The following PRAMEF20 variants were observed in gnomAD, a reference collection of about 807,000 sequenced individuals.
PRAMEF20 encodes the protein PRAME family member 20, also known as PRAME family member 20/21.
Under a neutral mutation model 32.4 loss-of-function variants are expected in PRAMEF20, and 27 were observed. That is an observed-to-expected ratio of 0.83 (90% confidence interval 0.61 to 1.15). The LOEUF is 1.15. Ranked by LOEUF, PRAMEF20 falls within the 50% of genes most tolerant of loss-of-function variation. The pLI is 0.00. For synonymous variants in PRAMEF20, 256 were observed against 235.4 expected (o/e 1.09, Z -0.80); for missense variants, 604 against 584.5 (o/e 1.03, Z -0.34).
chr1:13,419,282 T>C (rs2100437625), intron 2 of PRAMEF20, among the ~76,000 whole-genome samples: 1 of 152,122 alleles, frequency 6.6e-6, no homozygotes, highest in East Asian at 1.9e-4. Flanking sequence ...GCCTCCTGAG[T>C]AGCTGGGATT....
chr1:13,420,476 T>A (rs1041089265), intron 2 of PRAMEF20, among the ~76,000 whole-genome samples: 6 of 152,190 alleles, frequency 3.9e-5, no homozygotes, highest in Non-Finnish European at 7.3e-5. Context: ...CCCAAAGTTC[T>A]GGGATTACAG....
At chr1:13,412,919 G>A (rs1641127487), upstream of PRAMEF20, among the ~76,000 whole-genome samples, 1 of 151,610 alleles carries the variant, frequency 6.6e-6, no homozygotes, top group Admixed American at 6.6e-5. Flanking sequence ...ATGAGACTCA[G>A]CCCCCCACCC....
chr1:13,417,954 T>TGTGTGTGTGTGTGTG (rs1641199873), intron 1 of PRAMEF20, among the ~76,000 whole-genome samples, 168 bp from the exon 3 acceptor site: 1 of 55,718 alleles, frequency 1.8e-5, no homozygotes, highest in African/African-American at 5.3e-5. Context: ...GTGTGTGTGT[T>TGTGTGTGTGTGTGTG]TAGTAGAGAC....
Position 13,416,709 on chromosome 1 carries a change from A to C in PRAMEF20, c.287+68A>C. On this transcript the variant is annotated intron_variant, in intron 1 of 2. Transcript: ENST00000602960. ...CAACAGAAGGAACAGCTGGGTCATG[A>C]GGAGTGAGGAGGTCCAAGGAGGGCC... The C allele has an allele frequency of 2.5e-6, 4 of 1,611,992 alleles. No homozygotes were observed. In the South Asian group the frequency reaches 4.4e-5, roughly 18 times the overall value.
upstream of PRAMEF20, among the ~76,000 whole-genome samples, chr1:13,414,837 T>C (rs1323305470): frequency 3.3e-5 from 5 of 152,128 alleles, no homozygotes; most frequent in African/African-American, 1.2e-4. Context: ...TCTCACTCTG[T>C]CGCCCAGGCT....
At chr1:13,421,073 C>G in exon 3 of PRAMEF20, 5 of 1,613,880 alleles carry the variant, frequency 3.1e-6, no homozygotes, top group Non-Finnish European at 4.2e-6. Context: ...GTATCCTGCC[C>G]CGCGGGAGAG....
upstream of PRAMEF20, among the ~76,000 whole-genome samples, chr1:13,412,047 T>TATTA (rs1641119635): frequency 2.3e-5 from 3 of 131,056 alleles, no homozygotes; most frequent in Non-Finnish European, 4.9e-5. Context: ...TTTATTTATT[T>TATTA]ATTTAATTTA....
chr1:13,420,775 G>A (rs1247814078), exon 3 of PRAMEF20: 6 of 1,613,800 alleles, frequency 3.7e-6, no homozygotes, highest in African/African-American at 1.3e-5. Context: ...ATCTGTCCAA[G>A]TACCCGAGCA....
At chr1:13,416,742 T>C in intron 1 of PRAMEF20, 101 bp downstream of exon 2, 1 of 1,593,624 alleles carries the variant, frequency 6.3e-7, no homozygotes, top group Non-Finnish European at 8.5e-7. Context: ...GCCCACAGGC[T>C]TCTAATGGTT....
At chr1:13,416,708 G>A (rs553777613) in intron 1 of PRAMEF20, 67 bp downstream of exon 2, 85 of 1,611,996 alleles carry the variant, frequency 5.3e-5, no homozygotes, top group Non-Finnish European at 6.6e-5. Context: ...GCTGGGTCAT[G>A]AGGAGTGAGG....
chr1:13,418,612 A>G, exon 2 of PRAMEF20: 1 of 1,613,956 alleles, frequency 6.2e-7, no homozygotes, highest in Non-Finnish European at 8.5e-7. Context: ...TACCCAGTTC[A>G]CCACTCAGTT....
intron 1 of PRAMEF20, 58 bp downstream of exon 2, chr1:13,416,699 C>G: frequency 6.2e-7 from 1 of 1,612,976 alleles, no homozygotes; most frequent in South Asian, 1.1e-5. Flanking sequence ...GAAGGAACAG[C>G]TGGGTCATGA....
At chr1:13,415,091 T>G (rs1272827863), upstream of PRAMEF20, among the ~76,000 whole-genome samples, 3 of 150,724 alleles carry the variant, frequency 2.0e-5, no homozygotes, top group Non-Finnish European at 4.4e-5. Flanking sequence ...GGTTCTTTGT[T>G]TTTTGAGCTT....
chr1:13,419,071 T>C (rs1161758732), intron 2 of PRAMEF20, among the ~76,000 whole-genome samples: 1 of 152,136 alleles, frequency 6.6e-6, no homozygotes, highest in Non-Finnish European at 1.5e-5. Context: ...GAGGATAATT[T>C]GAGCCCAGGA....
chr1:13,414,478 A>T (rs1267717111), upstream of PRAMEF20, among the ~76,000 whole-genome samples: 1 of 151,962 alleles, frequency 6.6e-6, no homozygotes, highest in Non-Finnish European at 1.5e-5. Flanking sequence ...GTTTTTTTTG[A>T]GACAGGGTTT....
chr1:13,418,014 T>C lies in PRAMEF20; in HGVS notation c.288-108T>C, dbSNP rs1471374825. The C allele has an allele frequency of 4.4e-6, 7 of 1,577,120 alleles. No individual in the cohort carries two copies. In the East Asian group the frequency reaches 1.4e-4, roughly 31 times the overall value. Reference sequence around the variant, plus strand: ...TGTTCTCGATCTCCTGACCTTGTGATCCGCCCGCCTTGGCCTCCCAAAGTG... The same window carrying C: ...TGTTCTCGATCTCCTGACCTTGTGACCCGCCCGCCTTGGCCTCCCAAAGTG... On this transcript the variant is annotated intron_variant, in intron 1 of 2. Transcript: ENST00000602960.
exon 3 of PRAMEF20, chr1:13,421,304 A>C: frequency 1.2e-6 from 2 of 1,612,840 alleles, no homozygotes; most frequent in South Asian, 2.2e-5. Context: ...TTTTCTGAAC[A>C]CTTGAAAACT....
exon 2 of PRAMEF20, chr1:13,418,353 G>A: frequency 3.1e-6 from 5 of 1,613,924 alleles, no homozygotes; most frequent in Non-Finnish European, 4.2e-6. Context: ...GGGTCAAGCA[G>A]AGGGAAGGTT....
intron 1 of PRAMEF20, among the ~76,000 whole-genome samples, chr1:13,417,774 C>T (rs1291553801): frequency 6.4e-5 from 9 of 139,780 alleles, no homozygotes; most frequent in Non-Finnish European, 1.2e-4. Context: ...CTTGCTCTGT[C>T]GCCCAGGCTG....
Sources: gnomAD v4.1 joint callset for allele counts (sites outside exome capture counted in the v4.1 genomes callset) on GRCh38, gnomAD v4.1.1 for gene constraint, MANE v1.5 for transcripts, NCBI Gene and HGNC (gene_info 2026-07-23, HGNC 2026-07-21) for gene names.